The following PRKN variants were observed in gnomAD, a reference collection of about 807,000 sequenced individuals.
PRKN encodes E3 ubiquitin-protein ligase parkin.
PRKN carries 56 observed loss-of-function variants against 59.5 expected under a neutral mutation model. The observed-to-expected ratio is 0.94, with a 90% CI of 0.76 to 1.18. The LOEUF (loss-of-function observed/expected upper bound fraction) is 1.18, where lower values mean the gene tolerates loss of function less well. Among genes scored for constraint, PRKN ranks in the 50% most tolerant of loss-of-function variants. PRKN has a pLI of 0.00. For missense variants in PRKN, 657 were observed against 596.4 expected (o/e 1.10, Z -1.06); for synonymous variants, 250 against 222.1 (o/e 1.13, Z -1.12).
chr6:161,543,920 T>C (rs1263875135), intron 9 of PRKN, among the ~76,000 whole-genome samples: 1 of 152,154 alleles, frequency 6.6e-6, no homozygotes. Context: ...GTCATTAAAG[T>C]TTGTGAGATA....
Position 161,396,780 on chromosome 6 carries a change from AG to A in PRKN, c.1084-9904del, listed in dbSNP as rs1436094483. ...GTATCCTTATGCTCTCTAGCACAGCAGGGGAGGCGAAATGCTTTCCCTGAAT... is the reference window on the plus strand; with the variant it reads ...GTATCCTTATGCTCTCTAGCACAGCAGGGAGGCGAAATGCTTTCCCTGAAT... On this transcript the variant is annotated intron_variant, in intron 9 of 11. Coordinates refer to ENST00000366898, the MANE Select transcript of PRKN (RefSeq NM_004562.3). The surrounding 1 kb of genome is among the most constrained non-coding windows in gnomAD (Gnocchi z 5.4). 6.6e-6 allele frequency among the ~76,000 whole-genome samples: 1 copy of A among 152,170 alleles called. No homozygotes were observed. Among genetic ancestry groups the A allele is most frequent in the Admixed American group, 6.5e-5 (1 of 15,280 alleles).
At chr6:162,077,373 T>G (rs148227699) in intron 4 of PRKN, among the ~76,000 whole-genome samples, 1 of 152,128 alleles carries the variant, frequency 6.6e-6, no homozygotes, top group Non-Finnish European at 1.5e-5. Context: ...GTTCGCACAA[T>G]GACAAAATCA....
chr6:162,394,612 ACCTGTAACAGGCTTT>A (rs887310665), intron 2 of PRKN, among the ~76,000 whole-genome samples: 1 of 152,316 alleles, frequency 6.6e-6, no homozygotes, highest in African/African-American at 2.4e-5. Flanking sequence ...CATTTCCTAT[ACCTGTAACAGGCTTT>A]CCTGCAGAAA....
At chr6:161,783,816 A>G in intron 7 of PRKN, 2 of 389,732 alleles carry the variant, frequency 5.1e-6, no homozygotes, top group Non-Finnish European at 9.8e-6. Context: ...CCTTAACAAT[A>G]TGTTAACATA....
At chr6:162,356,768 A>T (rs1370944196) in intron 2 of PRKN, among the ~76,000 whole-genome samples, 1 of 149,396 alleles carries the variant, frequency 6.7e-6, no homozygotes, top group Admixed American at 6.7e-5. Context: ...AAAAAAAAAA[A>T]AAGATAAGAT....
intron 2 of PRKN, among the ~76,000 whole-genome samples, chr6:162,294,117 T>C (rs1386980661): frequency 6.6e-6 from 1 of 151,160 alleles, no homozygotes; most frequent in Non-Finnish European, 1.5e-5. Flanking sequence ...AGAGGCATCA[T>C]TGGGAGGCAG....
chr6:161,933,783 A>G (rs1259000124), intron 6 of PRKN, among the ~76,000 whole-genome samples: 3 of 151,340 alleles, frequency 2.0e-5, no homozygotes, highest in African/African-American at 7.3e-5. Context: ...ATTTCAGGGA[A>G]CCCCAGAAGT....
rs1235012082 is a variant in PRKN at position 162,012,625 on chromosome 6, T to C, written c.619-39208A>G. 3.3e-5 allele frequency among the ~76,000 whole-genome samples: 5 copies of C among 152,152 alleles called. No homozygotes were observed. The East Asian group carries it at 9.6e-4, about 29-fold the overall frequency. On this transcript the variant is annotated intron_variant, in intron 5 of 11. Coordinates refer to ENST00000366898, the MANE Select transcript of PRKN (RefSeq NM_004562.3). The stretch of plus-strand genomic sequence containing the variant: ...ATACTGATAGAATGCTGTTACCTTA[T>C]TGAGCAAATCTGATCCTTACTTGTA...
At chr6:162,409,546 T>C (rs1788249100) in intron 2 of PRKN, among the ~76,000 whole-genome samples, 1 of 152,144 alleles carries the variant, frequency 6.6e-6, no homozygotes, top group South Asian at 2.1e-4. Context: ...AAATTGCCAA[T>C]TTTGTAGATC....
chr6:161,443,376 G>A (rs1307374151), intron 9 of PRKN, among the ~76,000 whole-genome samples: 1 of 151,896 alleles, frequency 6.6e-6, no homozygotes, highest in Non-Finnish European at 1.5e-5. Flanking sequence ...CTATGTCACT[G>A]TGACTTACCA....
At chr6:162,282,334 A>C (rs1483181387) in intron 2 of PRKN, among the ~76,000 whole-genome samples, 1 of 152,190 alleles carries the variant, frequency 6.6e-6, no homozygotes, top group African/African-American at 2.4e-5. Context: ...ATATTAAAAA[A>C]AAAATCCACA....
At chr6:162,341,634 A>G (rs1439387314) in intron 2 of PRKN, among the ~76,000 whole-genome samples, 1 of 152,144 alleles carries the variant, frequency 6.6e-6, no homozygotes, top group Non-Finnish European at 1.5e-5. Context: ...GGAAACCATC[A>G]TTCTCAGCAA....
intron 7 of PRKN, among the ~76,000 whole-genome samples, chr6:161,605,453 T>C (rs567171450): frequency 1.3e-5 from 2 of 152,078 alleles, no homozygotes; most frequent in South Asian, 2.1e-4. Flanking sequence ...TTTTTAGTGG[T>C]AGCCATGTCA....
chr6:162,718,873 A>G (rs1486697461), intron 1 of PRKN, among the ~76,000 whole-genome samples: 1 of 152,226 alleles, frequency 6.6e-6, no homozygotes, highest in Non-Finnish European at 1.5e-5. Flanking sequence ...GACTTCTTTG[A>G]AATCAAGATG....
At chr6:162,513,793 C>T (rs534780350) in intron 1 of PRKN, among the ~76,000 whole-genome samples, 5 of 152,296 alleles carry the variant, frequency 3.3e-5, no homozygotes, top group Non-Finnish European at 7.4e-5. Context: ...GTGGCTCATG[C>T]CTGTAATCCC....
At chr6:161,940,195 C>T (rs1406261139) in intron 6 of PRKN, among the ~76,000 whole-genome samples, 1 of 151,538 alleles carries the variant, frequency 6.6e-6, no homozygotes. Context: ...CACACCTGGC[C>T]AATGGAGTTA....
At chr6:161,992,764 GACA>G (rs1461086521) in intron 5 of PRKN, among the ~76,000 whole-genome samples, 17 of 152,186 alleles carry the variant, frequency 1.1e-4, no homozygotes, top group Non-Finnish European at 1.8e-4. Flanking sequence ...TATCTTTTCA[GACA>G]ACAACAGAAT....
chr6:162,344,294 CAG>C (rs1380429931), intron 2 of PRKN, among the ~76,000 whole-genome samples: 1 of 151,854 alleles, frequency 6.6e-6, no homozygotes, highest in African/African-American at 2.4e-5. Context: ...AAATCGTCTA[CAG>C]AGACTCTGCA....
At position 161,886,774 on chromosome 6, in the gene PRKN, ATATT is replaced by A. The variant is rs1048580692; in HGVS notation, c.734+86524_734+86527del. On this transcript the variant is annotated intron_variant, in intron 6 of 11. Transcript: ENST00000366898. ...AATAAAAAAAAATAAAATAAAATGA[ATATT>A]TAATAATAAAATTCTAGAAGTCTCT... Among the ~76,000 whole-genome samples, 10 of 150,224 alleles carry A rather than the reference ATATT, an allele frequency of 6.7e-5. No homozygotes were observed. The South Asian group carries it at 1.5e-3, about 22-fold the overall frequency.
Sources: allele counts gnomAD v4.1 joint callset (sites outside exome capture counted in the v4.1 genomes callset), GRCh38; gene constraint gnomAD v4.1.1; non-coding constraint Gnocchi (gnomAD v3.1); transcripts MANE v1.5; gene names NCBI Gene and HGNC (gene_info 2026-07-23, HGNC 2026-07-21).